The following ECE2 variants were observed in gnomAD, a reference collection of about 807,000 sequenced individuals.
ECE2 encodes the protein endothelin converting enzyme 2.
A neutral mutation model predicts 100.6 loss-of-function variants in ECE2; 81 were observed. The observed-to-expected ratio is 0.81, with a 90% CI of 0.67 to 0.97. ECE2 has a LOEUF of 0.97. Among genes scored for constraint, ECE2 ranks in the 50% least tolerant of loss-of-function variants. ECE2 has a pLI of 0.00. For synonymous variants in ECE2, 391 were observed against 391.5 expected (o/e 1.00, Z 0.02); for missense variants, 911 against 988.1 (o/e 0.92, Z 1.05).
chr3:184,289,632 T>C lies in ECE2; in HGVS notation c.1474-9T>C. On this transcript the variant is annotated splice_polypyrimidine_tract_variant and intron_variant, in intron 12 of 18. Coordinates refer to ENST00000404464, the MANE Select transcript of ECE2 (RefSeq NM_001100121.2). The surrounding 1 kb of genome is among the most constrained non-coding windows in gnomAD (Gnocchi z 4.1). ...GGAAGGAAACAAACCCTTAACCTGG[T>C]CTCTTCAGGCAGATGCCATCTATGA... 6.2e-7 allele frequency: 1 copy of C among 1,613,648 alleles called. No individual in the cohort carries two copies. The highest frequency in any genetic ancestry group is 8.5e-7 in the Non-Finnish European group (1 of 1,179,700).
At position 184,292,402 on chromosome 3, in the gene ECE2, T is replaced by A; in HGVS notation, c.*164T>A. On this transcript the variant is annotated 3_prime_UTR_variant, in exon 19 of 19. Coordinates refer to ENST00000404464, the MANE Select transcript of ECE2 (RefSeq NM_001100121.2). ...TACAGACCCTCCTCAATCACCACAT[T>A]GTGCCTCTGCTTTGGGGGTGCCCCT... 4 of 759,712 alleles carry A rather than the reference T, an allele frequency of 5.3e-6. No homozygotes were observed. Among genetic ancestry groups the A allele is most frequent in the Non-Finnish European group, 6.3e-6 (3 of 474,692 alleles). The allele number at this position is 759,712 out of a possible 1,614,324, so 47.1% of individuals were successfully genotyped here.
chr3:184,290,223 T>C (rs554157485), intron 13 of ECE2, 32 bp from the exon 14 acceptor site: 5 of 1,567,608 alleles, frequency 3.2e-6, no homozygotes, highest in Admixed American at 1.7e-5. Flanking sequence ...TGGATTCTCT[T>C]GCTCTCTTTC....
intron 1 of ECE2, 53 bp downstream of exon 1, chr3:184,276,245 G>A (rs1720541193): frequency 1.4e-6 from 2 of 1,441,762 alleles, no homozygotes; most frequent in Non-Finnish European, 9.1e-7. Flanking sequence ...GGGGGACGAG[G>A]CAGAGGGGTC....
intron 10 of ECE2, 83 bp from the exon 11 acceptor site, chr3:184,287,754 C>A: frequency 1.6e-6 from 2 of 1,244,632 alleles, no homozygotes; most frequent in Non-Finnish European, 2.3e-6. Context: ...CTGAGAAGGG[C>A]TGCTAGCCCC....
At chr3:184,282,849 C>G (rs1720864275) in intron 7 of ECE2, among the ~76,000 whole-genome samples, 1 of 152,230 alleles carries the variant, frequency 6.6e-6, no homozygotes, top group Non-Finnish European at 1.5e-5. Context: ...GTATGGAAAG[C>G]CTCTAATAGA....
At chr3:184,278,349 G>A (rs767147917) in intron 6 of ECE2, 36 bp downstream of exon 6, 2 of 1,607,798 alleles carry the variant, frequency 1.2e-6, no homozygotes, top group Admixed American at 3.4e-5. Flanking sequence ...GAGACTTAGG[G>A]ACACTTTGCT....
rs115832584 is a variant in ECE2, at chr3:184,282,299, A to G, written c.817-1486A>G. ...TCTGATGCCAGCAGCAAGTAAGAGG[A>G]GAGGTGAGAGACAGGAGGAATTTGA... On this transcript the variant is annotated intron_variant, in intron 7 of 18. Coordinates refer to ENST00000404464, the MANE Select transcript of ECE2 (RefSeq NM_001100121.2). 3.2e-3 allele frequency among the ~76,000 whole-genome samples: 480 copies of G among 152,278 alleles called. 1 individual carries two copies. Among genetic ancestry groups the G allele is most frequent in the African/African-American group, 0.011 (463 of 41,552 alleles).
Position 184,277,478 on chromosome 3 carries a change from T to G in ECE2, c.478+12T>G. On this transcript the variant is annotated intron_variant, in intron 4 of 18. Coordinates refer to ENST00000404464, the MANE Select transcript of ECE2 (RefSeq NM_001100121.2). ...GAAGCACCTGCTTGGTGAGTGGGGC[T>G]GTTAGGGAGGCCTTGGGCCACCTAT... 1.2e-6 allele frequency: 2 copies of G among 1,613,390 alleles called. No individual in the cohort carries two copies. Among genetic ancestry groups the G allele is most frequent in the Non-Finnish European group, 1.7e-6 (2 of 1,179,650 alleles).
Position 184,282,078 on chromosome 3 carries a change from G to A in ECE2, c.817-1707G>A, listed in dbSNP as rs545169536. Among the ~76,000 whole-genome samples the A allele has an allele frequency of 9.8e-5, 15 of 152,340 alleles. No individual in the cohort carries two copies. In the South Asian group the frequency reaches 1.0e-3, roughly 11 times the overall value. On this transcript the variant is annotated intron_variant, in intron 7 of 18. Transcript: ENST00000404464. ...CACACACCTGCACTTCAGCCTGGGC[G>A]ACAGAGGGAGACGCCATCTCAAACA...
chr3:184,276,452 C>T lies in ECE2; in HGVS notation c.40-29C>T, dbSNP rs532689959. Reference sequence around the variant, plus strand: ...GGGCAAATAGCCCTCTCTGCCTGACCTCGGTTGGCAACCCCGACTGTCTGG... The same window carrying T: ...GGGCAAATAGCCCTCTCTGCCTGACTTCGGTTGGCAACCCCGACTGTCTGG... On this transcript the variant is annotated intron_variant, in intron 1 of 18. Coordinates refer to ENST00000404464, the MANE Select transcript of ECE2 (RefSeq NM_001100121.2). The T allele has an allele frequency of 1.6e-5, 26 of 1,592,724 alleles. No homozygotes were observed. In the South Asian group the frequency reaches 2.8e-4, roughly 17 times the overall value.
chr3:184,291,211 G>T lies in ECE2; in HGVS notation c.2006G>T (p.Gly669Val). ...TLGENIADNG[G>V]LKAAYNAYKA... The stretch of plus-strand genomic sequence containing the variant: ...GGGGAGAACATTGCTGACAACGGGG[G>T]GCTGAAGGCTGCCTACAATGTGAGT... Residue 669 changes from glycine to valine, a missense_variant, in exon 17 of 19, where the codon GGG becomes GTG. Coordinates refer to ENST00000404464, the MANE Select transcript of ECE2 (RefSeq NM_001100121.2). The surrounding 1 kb of genome is among the most constrained non-coding windows in gnomAD (Gnocchi z 4.1). 1.9e-6 allele frequency: 3 copies of T among 1,612,404 alleles called. No individual in the cohort carries two copies. Among genetic ancestry groups the T allele is most frequent in the Non-Finnish European group, 2.5e-6 (3 of 1,179,164 alleles).
Position 184,285,014 on chromosome 3 carries a change from C to G in ECE2, c.1057C>G (p.Pro353Ala). 1 of 1,614,118 alleles carries G rather than the reference C, an allele frequency of 6.2e-7. No homozygotes were observed. Among genetic ancestry groups the G allele is most frequent in the Non-Finnish European group, 8.5e-7 (1 of 1,180,024 alleles). ...WLEFLSFLLS[P>A]LELSDSEPVV... ...TGAGTTCCTGTCTTTCTTGCTGTCA[C>G]CATTGGAGTTGAGTGACTCTGAGCC... Residue 353 changes from proline (P) to alanine (A), a missense_variant, in exon 9 of 19, where the codon CCA becomes GCA. Coordinates refer to ENST00000404464, the MANE Select transcript of ECE2 (RefSeq NM_001100121.2).
At position 184,290,794 on chromosome 3, in the gene ECE2, G is replaced by T. The variant is rs771913201; in HGVS notation, c.1768G>T (p.Ala590Ser). The T allele has an allele frequency of 1.9e-6, 3 of 1,614,160 alleles. No individual in the cohort carries two copies. The South Asian group carries it at 3.3e-5, about 18-fold the overall frequency. ...CACTTGCTATTCCTCACCCACCAGG[G>T]CCCTGAACTTCGGTGGCATCGGTGT... ...APFYARNHPK[A>S]LNFGGIGVVM... The change falls in exon 16 of 19, where the codon GCC (alanine) becomes TCC (serine). Residue 590 changes from alanine to serine, a missense_variant and splice_region_variant. Transcript: ENST00000404464.
Position 184,277,241 on chromosome 3 carries a change from C to T in ECE2, c.263-10C>T. ...AGTCTCCTACCCTCCGGCCATGTTC[C>T]CTACCACAGACCCATCCCACAGCAC... On this transcript the variant is annotated splice_polypyrimidine_tract_variant and intron_variant, in intron 3 of 18. Coordinates refer to ENST00000404464, the MANE Select transcript of ECE2 (RefSeq NM_001100121.2). 1 of 1,614,214 alleles carries T rather than the reference C, an allele frequency of 6.2e-7. No individual in the cohort carries two copies. The highest frequency in any genetic ancestry group is 1.7e-5 in the Admixed American group (1 of 60,026).
chr3:184,277,615 G>A, intron 4 of ECE2, 149 bp downstream of exon 4: 1 of 956,114 alleles, frequency 1.0e-6, no homozygotes, highest in Non-Finnish European at 1.5e-6. Context: ...GAGAGCAGGG[G>A]ACTATTGAGA....
chr3:184,277,364 G>C lies in ECE2; in HGVS notation c.376G>C (p.Gly126Arg). The C allele has an allele frequency of 6.2e-7, 1 of 1,614,236 alleles. No individual in the cohort carries two copies. The highest frequency in any genetic ancestry group is 8.5e-7 in the Non-Finnish European group (1 of 1,180,032). ...TGAGGACTTTTACCAGTTCTCCTGT[G>C]GGGGCTGGATTCGGAGGAACCCCCT... ...PCEDFYQFSC[G>R]GWIRRNPLPD... Residue 126 changes from glycine (G) to arginine (R), a missense_variant, in exon 4 of 19, where the codon GGG (glycine) becomes CGG (arginine). Gly to Arg is a moderately radical substitution (Grantham distance 125). Transcript: ENST00000404464.
At chr3:184,280,978 CAA>C (rs879881453) in intron 7 of ECE2, among the ~76,000 whole-genome samples, 26 of 110,318 alleles carry the variant, frequency 2.4e-4, no homozygotes, top group Admixed American at 1.9e-4. Flanking sequence ...GACTCTGTCT[CAA>C]AAAAAAAAAA....
Position 184,291,016 on chromosome 3 carries a change from G to A in ECE2, c.1835-24G>A, listed in dbSNP as rs1418108223. 6.4e-7 allele frequency: 1 copy of A among 1,551,016 alleles called. No homozygotes were observed. The highest frequency in any genetic ancestry group is 8.7e-7 in the Non-Finnish European group (1 of 1,149,032). ...AAGAGACGAGCTCTGGTTTTGGTGG[G>A]GTGCAAAGGTGAGTTCTCCTCAGGG... On this transcript the variant is annotated intron_variant, in intron 16 of 18. Transcript: ENST00000404464. The surrounding 1 kb of genome is among the most constrained non-coding windows in gnomAD (Gnocchi z 4.1).
chr3:184,285,216 T>A (rs1720983582), intron 9 of ECE2, 111 bp downstream of exon 9: 3 of 1,409,888 alleles, frequency 2.1e-6, no homozygotes, highest in Non-Finnish European at 2.9e-6. Context: ...CTATGGGCCT[T>A]CCAAACATTG....
Sources: allele counts gnomAD v4.1 joint callset (sites outside exome capture counted in the v4.1 genomes callset), GRCh38; gene constraint gnomAD v4.1.1; non-coding constraint Gnocchi (gnomAD v3.1); transcripts MANE v1.5; gene names NCBI Gene and HGNC (gene_info 2026-07-23, HGNC 2026-07-21).